Variants in ZNF410 observed in about 807,000 individuals in gnomAD.
ZNF410 encodes zinc finger protein 410.
In ZNF410, 18 loss-of-function variants were observed where a neutral mutation model predicts 54.8. The ratio of observed to expected loss-of-function variants is 0.33; its 90% CI spans 0.23 to 0.49. The LOEUF (loss-of-function observed/expected upper bound fraction) is 0.49. Among genes scored for constraint, ZNF410 ranks in the 20% least tolerant of loss-of-function variants. The probability of loss-of-function intolerance (pLI) is 0.99; values close to 1 mark genes in which losing one functional copy is unlikely to be tolerated. For synonymous variants in ZNF410, 191 were observed against 207.3 expected, an observed-to-expected ratio of 0.92 and a Z score of 0.68; for missense variants, 405 against 569.6, an observed-to-expected ratio of 0.71 and a Z score of 2.94.
intron 1 of ZNF410, among the ~76,000 whole-genome samples, chr14:73,891,472 G>T (rs182684541): frequency 6.6e-6 from 1 of 152,228 alleles, no homozygotes; most frequent in East Asian, 1.9e-4. Flanking sequence ...TCCTGCCTCA[G>T]TCTCCCGAGT....
intron 8 of ZNF410, among the ~76,000 whole-genome samples, chr14:73,911,717 G>T (rs2055582412): frequency 6.6e-6 from 1 of 152,026 alleles, no homozygotes. Flanking sequence ...TCCATGTTCA[G>T]TTTTTTCTAC....
intron 1 of ZNF410, among the ~76,000 whole-genome samples, chr14:73,889,757 TGGAA>T (rs986721978): frequency 5.5e-4 from 84 of 151,754 alleles, no homozygotes; most frequent in African/African-American, 1.9e-3. Flanking sequence ...GTGGGAAACT[TGGAA>T]GGAGCATTTC....
intron 11 of ZNF410, among the ~76,000 whole-genome samples, chr14:73,929,087 G>A (rs998831342): frequency 6.6e-6 from 1 of 152,198 alleles, no homozygotes; most frequent in African/African-American, 2.4e-5. Flanking sequence ...ATCCTGCACT[G>A]TCACTTTTTC....
chr14:73,905,243 T>A, intron 7 of ZNF410, 160 bp downstream of exon 7: 1 of 705,558 alleles, frequency 1.4e-6, no homozygotes, highest in Non-Finnish European at 2.2e-6. Flanking sequence ...GTTGCACTTA[T>A]AATAACATTT....
intron 11 of ZNF410, chr14:73,927,828 G>A (rs1051776156): frequency 3.5e-5 from 4 of 115,374 alleles, no homozygotes; most frequent in African/African-American, 6.7e-5. Context: ...TTAATCAACC[G>A]GCAATTTTTT....
chr14:73,911,539 A>G (rs1430057315), intron 8 of ZNF410, among the ~76,000 whole-genome samples: 1 of 152,192 alleles, frequency 6.6e-6, no homozygotes, highest in Non-Finnish European at 1.5e-5. Context: ...TGTAGGCTAG[A>G]TGTGGACTTC....
chr14:73,890,738 C>T (rs1301238810), intron 1 of ZNF410, among the ~76,000 whole-genome samples: 2 of 151,996 alleles, frequency 1.3e-5, no homozygotes, highest in Admixed American at 6.6e-5. Flanking sequence ...AGTGGCTGGG[C>T]GCAGTGGCTC....
rs775252156 is a variant in ZNF410 at position 73,898,160 on chromosome 14, A to G, written c.478A>G (p.Ser160Gly). The change falls in exon 5 of 12, where the codon AGT becomes GGT. Residue 160 changes from serine to glycine, a missense_variant. Physicochemically the swap from Ser to Gly is moderately conservative, Grantham distance 56. Coordinates refer to ENST00000555044, the MANE Select transcript of ZNF410 (RefSeq NM_021188.3). ...NDFLSSESTD[S>G]SIPWFLRVQE... ...TTTCCTCTCCAGTGAGAGCACAGAC[A>G]GTAGCATTCCATGGTTCCTCCGGGT... The G allele has an allele frequency of 6.8e-6, 11 of 1,614,060 alleles. No individual in the cohort carries two copies. In the African/African-American group the frequency reaches 1.2e-4, roughly 18 times the overall value.
Position 73,931,634 on chromosome 14 carries a change from TG to T in ZNF410, c.*94del. On this transcript the variant is annotated 3_prime_UTR_variant, in exon 12 of 12. Transcript: ENST00000555044. ...GCCTTAGCCCACAACAGAACCAGAA[TG>T]AATCTTTGAAGGCACAAGACTCTGC... The T allele has an allele frequency of 8.5e-7, 1 of 1,182,688 alleles. No homozygotes were observed. Among genetic ancestry groups the T allele is most frequent in the Non-Finnish European group, 1.2e-6 (1 of 806,392 alleles). 73.3% of individuals were successfully genotyped at this position (1,182,688 alleles called of 1,614,324 possible). A position where few individuals can be genotyped will look rare whatever the true frequency, so the allele number is the denominator to read the frequency against.
Position 73,896,629 on chromosome 14 carries a change from C to CT in ZNF410, c.388+98dup. 1.4e-5 allele frequency: 14 copies of CT among 987,150 alleles called. No homozygotes were observed. In the South Asian group the frequency reaches 2.2e-4, roughly 16 times the overall value. 61.1% of individuals were successfully genotyped at this position (987,150 alleles called of 1,614,324 possible). ...TAGTCATACTTAAAATAGAAAGAAC[C>CT]TTTATTATTTTATTATTTTGGAGAA... On this transcript the variant is annotated intron_variant, in intron 4 of 11. Transcript: ENST00000555044.
At position 73,919,886 on chromosome 14, in the gene ZNF410, G is replaced by GTTTTTTTTTT. The variant is rs1158550117; in HGVS notation, c.1004-1078_1004-1069dup. Among the ~76,000 whole-genome samples, 314 of 62,060 alleles carry GTTTTTTTTTT rather than the reference G, an allele frequency of 5.1e-3. 1 individual carries two copies. Among genetic ancestry groups the GTTTTTTTTTT allele is most frequent in the Middle Eastern group, 0.018 (1 of 56 alleles). 40.7% of individuals were successfully genotyped at this position (62,060 alleles called of 152,430 possible). ...ATTCCACCCTGTTTCTATTGTATAGGTTTTTTTTTTTTTTTTTTTTTTTTT... is the reference window on the plus strand; with the variant it reads ...ATTCCACCCTGTTTCTATTGTATAGGTTTTTTTTTTTTTTTTTTTTTTTTTTTTTTTTTTT... On this transcript the variant is annotated intron_variant, in intron 8 of 11. Transcript: ENST00000555044.
At chr14:73,909,255 A>C in intron 7 of ZNF410, 86 bp from the exon 8 acceptor site, 1 of 1,156,192 alleles carries the variant, frequency 8.6e-7, no homozygotes, top group Non-Finnish European at 1.3e-6. Flanking sequence ...AAGTCATTAG[A>C]CTCTGAATAA....
In ZNF410 at chr14:73,892,343, TTTGA is replaced by T. The variant is rs201735538; in HGVS notation, c.33+139_33+142del. On this transcript the variant is annotated intron_variant, in intron 2 of 11. Transcript: ENST00000555044. ...TTTTAGGTTTTTTAAGCTATATGGT[TTTGA>T]TTGTTACTATTTTTTCAAAGATTTA... The T allele has an allele frequency of 4.6e-3, 3,379 of 738,840 alleles. 81 individuals are homozygous for T. The African/African-American group carries it at 0.056, about 12-fold the overall frequency. The allele number at this position is 738,840 out of a possible 1,614,324, so 45.8% of individuals were successfully genotyped here.
chr14:73,908,955 T>C (rs973971871), intron 7 of ZNF410, among the ~76,000 whole-genome samples: 43 of 152,202 alleles, frequency 2.8e-4, no homozygotes, highest in African/African-American at 9.9e-4. Flanking sequence ...AATTATACTT[T>C]TAGATGGATC....
At chr14:73,915,372 C>G (rs1439377974) in intron 8 of ZNF410, among the ~76,000 whole-genome samples, 1 of 150,420 alleles carries the variant, frequency 6.6e-6, no homozygotes, top group Non-Finnish European at 1.5e-5. Context: ...AAGTCTTACT[C>G]TGTTGCCCAG....
rs1335901367 is a variant in ZNF410 at position 73,904,882 on chromosome 14, T to G, written c.732-20T>G. 4 of 1,610,902 alleles carry G rather than the reference T, an allele frequency of 2.5e-6. No homozygotes were observed. Among genetic ancestry groups the G allele is most frequent in the Middle Eastern group, 1.7e-4 (1 of 6,014 alleles). On this transcript the variant is annotated intron_variant, in intron 6 of 11. Coordinates refer to ENST00000555044, the MANE Select transcript of ZNF410 (RefSeq NM_021188.3). ...AAAGAGTGTTTTCAGATATTTTTCC[T>G]TATGTGATTATTTTTGCAGAAATGA...
At chr14:73,905,359 G>T (rs2055464988) in intron 7 of ZNF410, 2 of 310,358 alleles carry the variant, frequency 6.4e-6, no homozygotes, top group Non-Finnish European at 1.2e-5. Context: ...CAATGATGTG[G>T]GGAGATGTGG....
chr14:73,918,686 CTTTTTTTTTTT>C lies in ZNF410; in HGVS notation c.1004-2276_1004-2266del, dbSNP rs71115932. ...GCCTGTTCTGGACATTTCATATGGC[CTTTTTTTTTTT>C]TTTTTTTTTTTTTTTTTCCCCTAAA... On this transcript the variant is annotated intron_variant, in intron 8 of 11. Transcript: ENST00000555044. Among the ~76,000 whole-genome samples, 347 of 74,650 alleles carry C rather than the reference CTTTTTTTTTTT, an allele frequency of 4.6e-3. 1 individual carries two copies. The highest frequency in any genetic ancestry group is 0.019 in the African/African-American group (297 of 15,782). 49.0% of individuals were successfully genotyped at this position (74,650 alleles called of 152,430 possible).
At chr14:73,912,701 T>C (rs1274050693) in intron 8 of ZNF410, among the ~76,000 whole-genome samples, 1 of 152,256 alleles carries the variant, frequency 6.6e-6, no homozygotes, top group Non-Finnish European at 1.5e-5. Flanking sequence ...ATTTTGAGAA[T>C]AAGGAATTGA....
Sources: gnomAD v4.1 joint callset for allele counts (sites outside exome capture counted in the v4.1 genomes callset) on GRCh38, gnomAD v4.1.1 for gene constraint, MANE v1.5 for transcripts, NCBI Gene and HGNC (gene_info 2026-07-23, HGNC 2026-07-21) for gene names.